The following DYNLT3 variants were observed in gnomAD, a reference collection of about 807,000 sequenced individuals.
The protein encoded by DYNLT3 is protein 91/23.
In DYNLT3, 4 loss-of-function variants were observed where a neutral mutation model predicts 11.0. That is an observed-to-expected ratio of 0.36 (90% confidence interval 0.18 to 0.83). DYNLT3 has a LOEUF of 0.83. DYNLT3 is among the 40% of genes least tolerant of loss of function. DYNLT3 has a pLI of 0.47. For synonymous variants in DYNLT3, 37 were observed against 31.2 expected (o/e 1.18, Z -0.61); for missense variants, 91 against 91.1 (o/e 1.00, Z 0.01).
chrX:37,847,359 G>A, intron 1 of DYNLT3, 122 bp downstream of exon 1: 1 of 945,613 alleles, frequency 1.1e-6, no homozygotes, highest in Non-Finnish European at 1.4e-6. Context: ...GAGAGGACCC[G>A]GGCTCGGAGG....
intron 2 of DYNLT3, among the ~76,000 whole-genome samples, chrX:37,842,822 CTAT>C (rs751224336): frequency 1.2e-4 from 13 of 112,044 alleles, no homozygotes; most frequent in Non-Finnish European, 1.9e-4. Context: ...ATGTTAACTA[CTAT>C]TATCATATTG....
At position 37,847,515 on chromosome X, in the gene DYNLT3, G is replaced by C. The variant is rs1930291032; in HGVS notation, c.-5C>G. 2.1e-6 allele frequency: 2 copies of C among 975,513 alleles called. No homozygotes were observed. The highest frequency in any genetic ancestry group is 2.6e-6 in the Non-Finnish European group (2 of 773,344). The allele number at this position is 975,513 out of a possible 1,213,427, so 80.4% of individuals were successfully genotyped here. A position where few individuals can be genotyped will look rare whatever the true frequency, so the allele number is the denominator to read the frequency against. On this transcript the variant is annotated 5_prime_UTR_variant, in exon 1 of 5. Coordinates refer to ENST00000378578, the MANE Select transcript of DYNLT3 (RefSeq NM_006520.3). ...GTGGCGATGGTACTCCTCCATGGTA[G>C]CGCCGGCTCTCCCTGGGGCGGAGCG...
chrX:37,844,769 A>G (rs1359412485), intron 2 of DYNLT3, among the ~76,000 whole-genome samples: 1 of 110,965 alleles, frequency 9.0e-6, no homozygotes, highest in Admixed American at 9.5e-5. Flanking sequence ...CTTGGGCTTT[A>G]GTTTCTCCTT....
chrX:37,844,305 G>A (rs1930226783), intron 2 of DYNLT3, among the ~76,000 whole-genome samples: 1 of 98,833 alleles, frequency 1.0e-5, no homozygotes, highest in Admixed American at 1.0e-4. Flanking sequence ...GAAAAGCTTA[G>A]AATGAAGAGT....
intron 4 of DYNLT3, 136 bp from the exon 5 acceptor site, chrX:37,840,787 C>G (rs866669588): frequency 3.0e-6 from 1 of 337,717 alleles, no homozygotes; most frequent in East Asian, 4.5e-5. Flanking sequence ...CACACACACA[C>G]ACATATATAT....
At chrX:37,841,515 G>C (rs961830621) in intron 3 of DYNLT3, among the ~76,000 whole-genome samples, 1 of 110,569 alleles carries the variant, frequency 9.0e-6, no homozygotes, top group Non-Finnish European at 1.9e-5. Context: ...GTTGAGCTAA[G>C]GGGGGGTCTC....
chrX:37,847,308 T>C, intron 1 of DYNLT3, 173 bp downstream of exon 1: 1 of 873,440 alleles, frequency 1.1e-6, no homozygotes, highest in Non-Finnish European at 1.5e-6. Flanking sequence ...GACTTTGGGG[T>C]GGGGAGAACG....
In DYNLT3 at chrX:37,841,279, C is replaced by T. The variant is rs749700532; in HGVS notation, c.197-174G>A. 2.7e-5 allele frequency among the ~76,000 whole-genome samples: 3 copies of T among 112,191 alleles called. No individual in the cohort carries two copies. The South Asian group carries it at 1.1e-3, about 41-fold the overall frequency. On this transcript the variant is annotated intron_variant, in intron 3 of 4. Transcript: ENST00000378578. The stretch of plus-strand genomic sequence containing the variant: ...TAGATTGAAAAAAAAATAAAAGACT[C>T]TCATCTTTATCTACCATCATGATTT...
chrX:37,840,073 TA>T lies in DYNLT3; in HGVS notation c.*501del, dbSNP rs1462733913. 9.3e-6 allele frequency: 1 copy of T among 107,628 alleles called. No homozygotes were observed. Among genetic ancestry groups the T allele is most frequent in the African/African-American group, 3.5e-5 (1 of 28,546 alleles). 8.9% of individuals were successfully genotyped at this position (107,628 alleles called of 1,213,427 possible). On this transcript the variant is annotated 3_prime_UTR_variant, in exon 5 of 5. Transcript: ENST00000378578. Reference sequence around the variant, plus strand: ...ACTATACTATTAGTTGATAGAAAATTAAAAAAATTATTACTTTCCACTAAAT... The same window carrying T: ...ACTATACTATTAGTTGATAGAAAATTAAAAAATTATTACTTTCCACTAAAT...
In DYNLT3 at chrX:37,840,362, A is replaced by T. The variant is rs900265572; in HGVS notation, c.*213T>A. The T allele has an allele frequency of 3.2e-5, 8 of 252,963 alleles. No individual in the cohort carries two copies. The highest frequency in any genetic ancestry group is 5.8e-5 in the Non-Finnish European group (8 of 138,073). 20.8% of individuals were successfully genotyped at this position (252,963 alleles called of 1,213,427 possible). On this transcript the variant is annotated 3_prime_UTR_variant, in exon 5 of 5. Transcript: ENST00000378578. ...TAAATTTATTTTTTGCTAGCATTAA[A>T]TTTTTCCTATTTAAACGATGCTGTA...
At chrX:37,846,979 G>C (rs1337820105) in intron 1 of DYNLT3, 2 of 1,162,213 alleles carry the variant, frequency 1.7e-6, no homozygotes, top group East Asian at 6.5e-5. Context: ...GGGAAAGCCT[G>C]AGTCAGTAAG....
Position 37,839,925 on chromosome X carries a change from T to A in DYNLT3, c.*650A>T, listed in dbSNP as rs900192046. The A allele has an allele frequency of 2.7e-5, 3 of 112,245 alleles. No individual in the cohort carries two copies. The highest frequency in any genetic ancestry group is 9.7e-5 in the African/African-American group (3 of 30,831). The allele number at this position is 112,245 out of a possible 1,213,427, so 9.3% of individuals were successfully genotyped here. A position where few individuals can be genotyped will look rare whatever the true frequency, so the allele number is the denominator to read the frequency against. Reference sequence around the variant, plus strand: ...TCATCATATACTGCAACTAATTTTATTTAACTAGGAAATTCAGTTTACCAG... The same window carrying A: ...TCATCATATACTGCAACTAATTTTAATTAACTAGGAAATTCAGTTTACCAG... On this transcript the variant is annotated 3_prime_UTR_variant, in exon 5 of 5. Transcript: ENST00000378578.
chrX:37,843,296 T>C (rs1930206628), intron 2 of DYNLT3, among the ~76,000 whole-genome samples: 1 of 112,347 alleles, frequency 8.9e-6, no homozygotes, highest in African/African-American at 3.2e-5. Flanking sequence ...AGATCACCTT[T>C]CCTTAAGGAT....
rs112804739 is a variant in DYNLT3, at chrX:37,840,559, C to G, written c.*16G>C. 1.7e-3 allele frequency: 2,026 copies of G among 1,178,406 alleles called. 28 individuals carry two copies. In the African/African-American group the frequency reaches 0.032, roughly 19 times the overall value. ...AATTCTTAAGTTAATGGCTTTAGCC[C>G]AACATTTTTAGTCAGTTAAAGAACA... is the stretch of plus-strand genomic sequence containing the variant. On this transcript the variant is annotated 3_prime_UTR_variant, in exon 5 of 5. Transcript: ENST00000378578.
chrX:37,843,081 T>G (rs1930202789), intron 2 of DYNLT3, among the ~76,000 whole-genome samples: 1 of 112,362 alleles, frequency 8.9e-6, no homozygotes, highest in Non-Finnish European at 1.9e-5. Context: ...GTATAAAATC[T>G]TCACTAATGA....
rs1930148558 is a variant in DYNLT3, at chrX:37,841,168, G to A, written c.197-63C>T. 3 of 1,005,649 alleles carry A rather than the reference G, an allele frequency of 3.0e-6. No homozygotes were observed. The Admixed American group carries it at 7.2e-5, about 24-fold the overall frequency. 82.9% of individuals were successfully genotyped at this position (1,005,649 alleles called of 1,213,427 possible). A position where few individuals can be genotyped will look rare whatever the true frequency, so the allele number is the denominator to read the frequency against. ...AAAGGAAAAGAGAACCAAGGTCAAA[G>A]TGTGTGAGTTCAGAGCTCTACAAGC... On this transcript the variant is annotated intron_variant, in intron 3 of 4. Transcript: ENST00000378578.
rs913366484 is a variant in DYNLT3 at position 37,847,040 on chromosome X, T to C, written c.30+441A>G. ...CTCCTTGCCTAATCCTGGCAAGCAT[T>C]ACCGGGAGCGGGAATGGCAGTGCCA... On this transcript the variant is annotated intron_variant, in intron 1 of 4. Transcript: ENST00000378578. The C allele has an allele frequency of 1.7e-5, 20 of 1,163,743 alleles. No homozygotes were observed. In the African/African-American group the frequency reaches 3.4e-4, roughly 20 times the overall value.
chrX:37,841,177 T>A (rs950694160), intron 3 of DYNLT3, 72 bp from the exon 4 acceptor site: 149 of 897,170 alleles, frequency 1.7e-4, no homozygotes, highest in Admixed American at 2.2e-4. Context: ...AGTGTGTGAG[T>A]TCAGAGCTCT....
rs766075158 is a variant in DYNLT3 at position 37,847,455 on chromosome X, G to A, written c.30+26C>T. 6.0e-6 allele frequency: 6 copies of A among 997,884 alleles called. No individual in the cohort carries two copies. In the African/African-American group the frequency reaches 1.0e-4, roughly 17 times the overall value. The allele number at this position is 997,884 out of a possible 1,213,427, so 82.2% of individuals were successfully genotyped here. ...GCAGAGGAAGGCGGGAGTGGGGGGC[G>A]CTCCCAGGTAGCCAAGGGGCGGTAC... On this transcript the variant is annotated intron_variant, in intron 1 of 4. Coordinates refer to ENST00000378578, the MANE Select transcript of DYNLT3 (RefSeq NM_006520.3).
Sources: allele counts gnomAD v4.1 joint callset (sites outside exome capture counted in the v4.1 genomes callset), GRCh38; gene constraint gnomAD v4.1.1; transcripts MANE v1.5; gene names NCBI Gene and HGNC (gene_info 2026-07-23, HGNC 2026-07-21).